Variants in GUCY2F observed in about 807,000 individuals in gnomAD.
GUCY2F encodes the protein retinal guanylyl cyclase 2.
In GUCY2F, 61 loss-of-function variants were observed where a neutral mutation model predicts 73.1. The ratio of observed to expected loss-of-function variants is 0.83; its 90% CI spans 0.68 to 1.03. The LOEUF is 1.03. Among genes scored for constraint, GUCY2F ranks in the 50% least tolerant of loss-of-function variants. The pLI is 0.00. For synonymous variants in GUCY2F, 331 were observed against 307.8 expected (o/e 1.08, Z -0.79); for missense variants, 912 against 854.3 (o/e 1.07, Z -0.84).
At chrX:109,460,690 GAGAA>G (rs1220532520) in intron 3 of GUCY2F, among the ~76,000 whole-genome samples, 1 of 111,658 alleles carries the variant, frequency 9.0e-6, no homozygotes, top group African/African-American at 3.2e-5. Flanking sequence ...CTGCAGAGAA[GAGAA>G]AGAAAGAGGC....
intron 3 of GUCY2F, among the ~76,000 whole-genome samples, chrX:109,454,689 TA>T (rs1171527514): frequency 8.9e-6 from 1 of 112,056 alleles, no homozygotes; most frequent in African/African-American, 3.2e-5. Context: ...CTTGTAAGTT[TA>T]TTTTTGGATA....
In GUCY2F at chrX:109,382,196, G is replaced by A; in HGVS notation, c.3072C>T (p.Val1024=). 8.6e-7 allele frequency: 1 copy of A among 1,167,048 alleles called. No homozygotes were observed. The highest frequency in any genetic ancestry group is 1.8e-5 in the South Asian group (1 of 55,375). ...ESTGLPYRIH[V]SLSTVTILQN... ...GAAGAATTGTAACAGTGCTGAGACTGACATGAATGCGATAAGCTGCAAAAG... is the reference window on the plus strand; with the variant it reads ...GAAGAATTGTAACAGTGCTGAGACTAACATGAATGCGATAAGCTGCAAAAG... The change falls in exon 17 of 20, where the codon GTC becomes GTT. Residue 1024 remains valine, a synonymous_variant. Coordinates refer to ENST00000218006, the MANE Select transcript of GUCY2F (RefSeq NM_001522.3).
chrX:109,414,531 G>A (rs1221677235), intron 8 of GUCY2F, among the ~76,000 whole-genome samples: 1 of 111,531 alleles, frequency 9.0e-6, no homozygotes, highest in Non-Finnish European at 1.9e-5. Flanking sequence ...CCTATTATTT[G>A]CCAGTCCCTG....
intron 3 of GUCY2F, among the ~76,000 whole-genome samples, chrX:109,459,108 ACT>A (rs1296905802): frequency 9.0e-6 from 1 of 110,730 alleles, no homozygotes; most frequent in African/African-American, 3.3e-5. Flanking sequence ...TTTTTACTTC[ACT>A]CTCTTTCTCC....
chrX:109,468,866 G>A (rs773208805), intron 2 of GUCY2F, among the ~76,000 whole-genome samples: 2 of 111,910 alleles, frequency 1.8e-5, no homozygotes, highest in African/African-American at 3.2e-5. Flanking sequence ...TGAGTGCTTC[G>A]TGAACAGGGA....
At chrX:109,382,013 G>C in intron 17 of GUCY2F, 105 bp downstream of exon 17, 1 of 455,918 alleles carries the variant, frequency 2.2e-6, no homozygotes, top group East Asian at 3.7e-5. Context: ...CCAAGTTATA[G>C]CTCTGAGTCT....
rs754244362 is a variant in GUCY2F at position 109,453,531 on chromosome X, A to G, written c.1361T>C (p.Phe454Ser). 4.2e-6 allele frequency: 5 copies of G among 1,204,049 alleles called. No homozygotes were observed. Among genetic ancestry groups the G allele is most frequent in the Non-Finnish European group, 5.6e-6 (5 of 889,743 alleles). ...RPPRADAKCW[F>S]AEGKICHGGI... ...TCCATGGCAGATCTTCCCTTCTGCA[A>G]ACCAGCATTTTGCATCTGCTCTAGG... Residue 454 changes from phenylalanine to serine, a missense_variant, in exon 4 of 20, where the codon TTT (phenylalanine) becomes TCT (serine). Coordinates refer to ENST00000218006, the MANE Select transcript of GUCY2F (RefSeq NM_001522.3).
chrX:109,398,585 C>A lies in GUCY2F; in HGVS notation c.2239G>T (p.Gly747Cys), dbSNP rs374790700. ...AIIMQEVMVR[G>C]TPFCMMDLPA... ...AGATCCATCATGCAGAATGGGGTAC[C>A]CCGGACCATCACTTCTTGCATGATG... Residue 747 changes from glycine to cysteine, a missense_variant, in exon 11 of 20, where the codon GGT becomes TGT. Coordinates refer to ENST00000218006, the MANE Select transcript of GUCY2F (RefSeq NM_001522.3). 1.7e-6 allele frequency: 2 copies of A among 1,207,334 alleles called. No individual in the cohort carries two copies. Among genetic ancestry groups the A allele is most frequent in the Non-Finnish European group, 2.2e-6 (2 of 893,259 alleles).
At chrX:109,446,512 C>G (rs1932014487) in intron 6 of GUCY2F, among the ~76,000 whole-genome samples, 1 of 110,158 alleles carries the variant, frequency 9.1e-6, no homozygotes, top group South Asian at 3.7e-4. Context: ...CTGACAAAAT[C>G]AAGAAATGGG....
rs150899965 is a variant in GUCY2F at position 109,448,857 on chromosome X, T to C, written c.1473-692A>G. Among the ~76,000 whole-genome samples the C allele has an allele frequency of 5.8e-3, 656 of 112,447 alleles. 3 individuals are homozygous for C. Among genetic ancestry groups the C allele is most frequent in the African/African-American group, 0.02 (620 of 30,971 alleles). Reference sequence around the variant, plus strand: ...TTTTTTCTTTTACTGAATTGGTCTCTTGTCTGAGCATTACAGACACAGTTT... The same window carrying C: ...TTTTTTCTTTTACTGAATTGGTCTCCTGTCTGAGCATTACAGACACAGTTT... On this transcript the variant is annotated intron_variant, in intron 5 of 19. Transcript: ENST00000218006.
intron 5 of GUCY2F, among the ~76,000 whole-genome samples, chrX:109,451,441 A>T (rs1460867063): frequency 8.9e-6 from 1 of 111,994 alleles, no homozygotes; most frequent in Non-Finnish European, 1.9e-5. Context: ...AGCTTCCAAC[A>T]ATCAGCAAGA....
chrX:109,434,440 C>T (rs73248157), intron 7 of GUCY2F, among the ~76,000 whole-genome samples: 2,369 of 108,856 alleles, frequency 0.022, 32 homozygotes, highest in Non-Finnish European at 0.031. Context: ...TTTGTGTGAG[C>T]GTAGTACAAC....
chrX:109,409,232 G>GACAGGACAGCT, intron 8 of GUCY2F, 64 bp from the exon 9 acceptor site: 1 of 581,461 alleles, frequency 1.7e-6, no homozygotes, highest in Non-Finnish European at 2.9e-6. Flanking sequence ...CCACAGTTGA[G>GACAGGACAGCT]GGCACATAAC....
At chrX:109,473,985 T>C (rs1298361292) in intron 2 of GUCY2F, among the ~76,000 whole-genome samples, 1 of 112,318 alleles carries the variant, frequency 8.9e-6, no homozygotes, top group Non-Finnish European at 1.9e-5. Context: ...ATCAGAGCCA[T>C]ACTGATTGCT....
intron 7 of GUCY2F, among the ~76,000 whole-genome samples, chrX:109,433,965 AGC>A (rs1931673941): frequency 1.8e-5 from 2 of 110,493 alleles, no homozygotes; most frequent in Non-Finnish European, 3.8e-5. Flanking sequence ...ATGATTTTTT[AGC>A]TCTGATGATC....
intron 6 of GUCY2F, among the ~76,000 whole-genome samples, chrX:109,447,429 G>A (rs1932039783): frequency 9.0e-6 from 1 of 110,678 alleles, no homozygotes; most frequent in African/African-American, 3.3e-5. Context: ...TATACACCAT[G>A]GAATACTATG....
chrX:109,413,408 C>T (rs1490766842), intron 8 of GUCY2F, among the ~76,000 whole-genome samples: 1 of 110,666 alleles, frequency 9.0e-6, no homozygotes, highest in African/African-American at 3.3e-5. Context: ...TGACAAGACA[C>T]CTTTTTTTTT....
chrX:109,403,114 A>G (rs539708228), intron 10 of GUCY2F, among the ~76,000 whole-genome samples: 2 of 111,540 alleles, frequency 1.8e-5, no homozygotes, highest in South Asian at 7.6e-4. Context: ...TGCTTGCAAT[A>G]TTGGTTAAAA....
chrX:109,386,161 T>C (rs1603378923), intron 15 of GUCY2F, among the ~76,000 whole-genome samples: 1 of 111,734 alleles, frequency 8.9e-6, no homozygotes, highest in Non-Finnish European at 1.9e-5. Context: ...TAACACATAG[T>C]CTCAGTTCTC....
Sources: allele counts gnomAD v4.1 joint callset (sites outside exome capture counted in the v4.1 genomes callset), GRCh38; gene constraint gnomAD v4.1.1; transcripts MANE v1.5; gene names NCBI Gene and HGNC (gene_info 2026-07-23, HGNC 2026-07-21).